Variants in CSMD1 observed in about 807,000 individuals in gnomAD.
CSMD1 encodes the protein CUB and Sushi multiple domains 1, also known as CUB and sushi domain-containing protein 1.
A neutral mutation model predicts 417.5 loss-of-function variants in CSMD1; 213 were observed. The ratio of observed to expected loss-of-function variants is 0.51; its 90% CI spans 0.46 to 0.57. The LOEUF (loss-of-function observed/expected upper bound fraction) is 0.57. Ranked by LOEUF, CSMD1 falls within the 20% of genes least tolerant of loss-of-function variation. CSMD1 has a pLI of 0.00. For synonymous variants in CSMD1, 2,862 were observed against 1,736.8 expected (o/e 1.65, Z -16.11); for missense variants, 6,923 against 4,529.7 (o/e 1.53, Z -15.17).
intron 12 of CSMD1, among the ~76,000 whole-genome samples, chr8:3,444,557 G>C (rs1815183926): frequency 6.6e-6 from 1 of 152,158 alleles, no homozygotes. Context: ...TGCACACTGA[G>C]GGTGAGGATG....
intron 6 of CSMD1, among the ~76,000 whole-genome samples, chr8:3,742,418 CA>C (rs1796853411): frequency 6.6e-6 from 1 of 152,148 alleles, no homozygotes; most frequent in African/African-American, 2.4e-5. Flanking sequence ...CAGAAAGAGT[CA>C]GTAAATTTTT....
chr8:4,573,184 G>A (rs1585269308), intron 2 of CSMD1, among the ~76,000 whole-genome samples: 1 of 152,138 alleles, frequency 6.6e-6, no homozygotes, highest in Non-Finnish European at 1.5e-5. Context: ...GTGATCCTTT[G>A]GAGGAGAAGA....
intron 1 of CSMD1, among the ~76,000 whole-genome samples, chr8:4,775,975 G>T (rs530289602): frequency 2.0e-5 from 3 of 152,128 alleles, no homozygotes; most frequent in Admixed American, 2.0e-4. Flanking sequence ...TAAATGAGAC[G>T]GAGGGAACAG....
chr8:4,291,940 AG>A (rs1797390631), intron 3 of CSMD1, among the ~76,000 whole-genome samples: 1 of 152,234 alleles, frequency 6.6e-6, no homozygotes, highest in South Asian at 2.1e-4. Flanking sequence ...GTGAAAAAGC[AG>A]GCAGGGAGCC....
chr8:3,385,454 G>C (rs1216295622), intron 18 of CSMD1, among the ~76,000 whole-genome samples: 1 of 151,570 alleles, frequency 6.6e-6, no homozygotes, highest in Admixed American at 6.6e-5. Context: ...ACTGATTGTT[G>C]CTAAAAGTCA....
At position 4,408,371 on chromosome 8, in the gene CSMD1, T is replaced by C. The variant is rs944545533; in HGVS notation, c.415+11582A>G. Among the ~76,000 whole-genome samples the C allele has an allele frequency of 3.9e-5, 6 of 152,306 alleles. No individual in the cohort carries two copies. The South Asian group carries it at 1.0e-3, about 26-fold the overall frequency. ...CTGGAAAGGGCGTATCATCCTCTACTGTCAAAAAAGAGGCATTTTACCCTA... is the reference window on the plus strand; with the variant it reads ...CTGGAAAGGGCGTATCATCCTCTACCGTCAAAAAAGAGGCATTTTACCCTA... On this transcript the variant is annotated intron_variant, in intron 3 of 69. Transcript: ENST00000635120.
At chr8:4,763,760 G>C (rs1484995615) in intron 1 of CSMD1, among the ~76,000 whole-genome samples, 1 of 152,164 alleles carries the variant, frequency 6.6e-6, no homozygotes, top group African/African-American at 2.4e-5. Flanking sequence ...AAGAGGCAGG[G>C]CAGTCGTTTC....
chr8:4,129,682 G>T (rs1236230992), intron 3 of CSMD1, among the ~76,000 whole-genome samples: 1 of 152,040 alleles, frequency 6.6e-6, no homozygotes, highest in Non-Finnish European at 1.5e-5. Flanking sequence ...ATCACCTAAT[G>T]ACATTTTGTT....
At chr8:3,366,846 C>A (rs115801080) in intron 20 of CSMD1, among the ~76,000 whole-genome samples, 186 bp downstream of exon 20, 1 of 152,188 alleles carries the variant, frequency 6.6e-6, no homozygotes, top group Non-Finnish European at 1.5e-5. Flanking sequence ...TGCCACATAA[C>A]TGTACTTGCA....
At chr8:3,875,528 G>A (rs1442970357) in intron 5 of CSMD1, among the ~76,000 whole-genome samples, 4 of 152,080 alleles carry the variant, frequency 2.6e-5, no homozygotes, top group African/African-American at 7.2e-5. Flanking sequence ...GGAAGCAGCC[G>A]GCATGGAAGA....
chr8:4,071,310 TTAGA>T (rs1799544473), intron 3 of CSMD1, among the ~76,000 whole-genome samples: 1 of 152,198 alleles, frequency 6.6e-6, no homozygotes, highest in Admixed American at 6.5e-5. Flanking sequence ...ATTCTACTGA[TTAGA>T]TAATTTCCAT....
At chr8:4,446,763 G>GTGTGTGTGTGTC (rs1798830860) in intron 2 of CSMD1, among the ~76,000 whole-genome samples, 3 of 76,536 alleles carry the variant, frequency 3.9e-5, no homozygotes, top group African/African-American at 1.4e-4. Flanking sequence ...GTCTGTGTGT[G>GTGTGTGTGTGTC]TGTGTGTGTG....
At chr8:3,972,397 T>C (rs987481145) in intron 5 of CSMD1, among the ~76,000 whole-genome samples, 2 of 152,210 alleles carry the variant, frequency 1.3e-5, no homozygotes, top group Non-Finnish European at 2.9e-5. Context: ...AACACAAGTA[T>C]ATTAGAAAGT....
intron 3 of CSMD1, among the ~76,000 whole-genome samples, chr8:4,258,731 A>T (rs1367752696): frequency 6.6e-6 from 1 of 152,022 alleles, no homozygotes; most frequent in Non-Finnish European, 1.5e-5. Flanking sequence ...GGAACACAGC[A>T]ATGTATGAGG....
intron 3 of CSMD1, among the ~76,000 whole-genome samples, chr8:4,135,060 C>T (rs1054027986): frequency 6.6e-6 from 1 of 152,088 alleles, no homozygotes; most frequent in East Asian, 1.9e-4. Flanking sequence ...ACTCTTAGCA[C>T]AGTGAGTTCA....
chr8:4,204,801 C>T (rs752063178), intron 3 of CSMD1, among the ~76,000 whole-genome samples: 4 of 151,658 alleles, frequency 2.6e-5, no homozygotes, highest in Non-Finnish European at 5.9e-5. Context: ...ACCACAGGCA[C>T]AGGTCAGCAC....
In CSMD1 at chr8:4,015,540, T is replaced by G. The variant is rs535410077; in HGVS notation, c.610+16365A>C. Among the ~76,000 whole-genome samples, 6 of 152,198 alleles carry G rather than the reference T, an allele frequency of 3.9e-5. No homozygotes were observed. In the South Asian group the frequency reaches 1.0e-3, roughly 26 times the overall value. ...AACAATGGGCCTACACTATTTAGCATGTTTTATTAAAGGTATCAGTGCTAC... is the reference window on the plus strand; with the variant it reads ...AACAATGGGCCTACACTATTTAGCAGGTTTTATTAAAGGTATCAGTGCTAC... On this transcript the variant is annotated intron_variant, in intron 4 of 69. Coordinates refer to ENST00000635120, the MANE Select transcript of CSMD1 (RefSeq NM_033225.6).
intron 1 of CSMD1, among the ~76,000 whole-genome samples, chr8:4,890,110 T>A (rs1423715490): frequency 6.6e-6 from 1 of 152,150 alleles, no homozygotes; most frequent in Non-Finnish European, 1.5e-5. Context: ...GAAAGAAAAC[T>A]ATTTTATGAT....
intron 2 of CSMD1, among the ~76,000 whole-genome samples, chr8:4,462,073 C>T (rs1050612272): frequency 6.6e-6 from 1 of 151,708 alleles, no homozygotes; most frequent in Non-Finnish European, 1.5e-5. Context: ...TGAAGTCTCA[C>T]TGTGTTGCAC....
Sources: gnomAD v4.1 joint callset for allele counts (sites outside exome capture counted in the v4.1 genomes callset) on GRCh38, gnomAD v4.1.1 for gene constraint, MANE v1.5 for transcripts, NCBI Gene and HGNC (gene_info 2026-07-23, HGNC 2026-07-21) for gene names.